ZNF516: variants seen among roughly 807,000 people sequenced by gnomAD.
ZNF516 encodes zinc finger protein 516.
Under a neutral mutation model 79.7 loss-of-function variants are expected in ZNF516, and 19 were observed. That is an observed-to-expected ratio of 0.24 (90% CI 0.17 to 0.35). The LOEUF is 0.35. Among genes scored for constraint, ZNF516 ranks in the 10% least tolerant of loss-of-function variants. The pLI, the probability that ZNF516 is intolerant of heterozygous loss-of-function variation, is 1.00. For synonymous variants in ZNF516, 877 were observed against 739.5 expected, an observed-to-expected ratio of 1.19 and a Z score of -3.02; for missense variants, 1,678 against 1,679.5, an observed-to-expected ratio of 1.00 and a Z score of 0.02.
chr18:76,492,851 A>T, intron 1 of ZNF516: 4 of 985,856 alleles, frequency 4.1e-6, no homozygotes, highest in Non-Finnish European at 4.8e-6. Context: ...GTGCCCATGT[A>T]GCCGAACTGA....
At chr18:76,476,663 T>C (rs769057579) in intron 1 of ZNF516, among the ~76,000 whole-genome samples, 6 of 152,254 alleles carry the variant, frequency 3.9e-5, no homozygotes, top group African/African-American at 1.2e-4. Flanking sequence ...CGTAAGCTTG[T>C]AGTTTTGTGT....
chr18:76,490,909 G>A, intron 1 of ZNF516: 3 of 985,544 alleles, frequency 3.0e-6, no homozygotes, highest in Non-Finnish European at 3.6e-6. Flanking sequence ...AGTCCACAGA[G>A]CCATCCCCGG....
At chr18:76,385,777 C>CT (rs1555698687) in intron 3 of ZNF516, 1 of 73,612 alleles carries the variant, frequency 1.4e-5, no homozygotes. Context: ...CACTGCACTG[C>CT]CCCCCCCCCG....
chr18:76,492,568 G>C, intron 1 of ZNF516: 2 of 366,856 alleles, frequency 5.5e-6, no homozygotes, highest in Non-Finnish European at 7.6e-6. Context: ...TTTCTACGGA[G>C]TTCACATCAG....
At chr18:76,465,036 G>C (rs1190803267) in intron 1 of ZNF516, among the ~76,000 whole-genome samples, 1 of 152,232 alleles carries the variant, frequency 6.6e-6, no homozygotes, top group African/African-American at 2.4e-5. Context: ...GCCGCCAGAG[G>C]AGAGAGGCTC....
Position 76,371,476 on chromosome 18 carries a change from C to T in ZNF516, c.3355G>A (p.Ala1119Thr). Residue 1119 changes from alanine to threonine, a missense_variant, in exon 5 of 7, where the codon GCA becomes ACA. This residue lies in a region of ZNF516 where 1,294 missense variants were observed against 1,248.3 expected (regional missense o/e 1.04). Transcript: ENST00000443185. ...QPGHLRAHMR[A>T]HSVVFESDGP... ...GGCGGGAGGGCGATACCTGAGTGTG[C>T]CCGCATGTGGGCCCTGAGGTGGCCG... is the stretch of plus-strand genomic sequence containing the variant. The T allele has an allele frequency of 6.2e-7, 1 of 1,607,004 alleles. No homozygotes were observed. Among genetic ancestry groups the T allele is most frequent in the Non-Finnish European group, 8.5e-7 (1 of 1,179,556 alleles).
chr18:76,377,825 C>T (rs1163639258), intron 4 of ZNF516, among the ~76,000 whole-genome samples: 6 of 151,674 alleles, frequency 4.0e-5, no homozygotes, highest in Non-Finnish European at 2.9e-5. Context: ...AAGCAATTCT[C>T]CTGCCTCAGC....
chr18:76,405,760 T>C (rs2075296371), intron 3 of ZNF516, among the ~76,000 whole-genome samples: 1 of 152,020 alleles, frequency 6.6e-6, no homozygotes, highest in South Asian at 2.1e-4. Flanking sequence ...ATGCGTGTGT[T>C]GTCCGAGACA....
At position 76,493,013 on chromosome 18, in the gene ZNF516, C is replaced by G. The variant is rs1393677422; in HGVS notation, c.-272+2131G>C. On this transcript the variant is annotated intron_variant, in intron 1 of 6. Coordinates refer to ENST00000443185, the MANE Select transcript of ZNF516 (RefSeq NM_014643.4). The surrounding 1 kb of genome is among the most constrained non-coding windows in gnomAD (Gnocchi z 5.2). Reference sequence around the variant, plus strand: ...TCACACACACACCCCAAATTACCTCCGGGATGGAGAAAGCCGCTGCGGATT... The same window carrying G: ...TCACACACACACCCCAAATTACCTCGGGGATGGAGAAAGCCGCTGCGGATT... 5.9e-5 allele frequency: 58 copies of G among 985,384 alleles called. No individual in the cohort carries two copies. Among genetic ancestry groups the G allele is most frequent in the Non-Finnish European group, 6.6e-5 (55 of 829,996 alleles). 61.0% of individuals were successfully genotyped at this position (985,384 alleles called of 1,614,324 possible).
chr18:76,464,265 G>C (rs1291955487), intron 1 of ZNF516, among the ~76,000 whole-genome samples: 1 of 152,140 alleles, frequency 6.6e-6, no homozygotes, highest in Admixed American at 6.5e-5. Flanking sequence ...CCAGTCACTC[G>C]GGAGGCTGAG....
chr18:76,362,618 G>T, intron 6 of ZNF516, 61 bp from the exon 7 acceptor site: 2 of 1,493,766 alleles, frequency 1.3e-6, no homozygotes, highest in Non-Finnish European at 9.2e-7. Context: ...GTTTCTAAAT[G>T]CATTTTTCCT....
At chr18:76,437,129 C>A (rs980784470) in intron 3 of ZNF516, among the ~76,000 whole-genome samples, 4 of 151,856 alleles carry the variant, frequency 2.6e-5, no homozygotes, top group Admixed American at 2.6e-4. Context: ...CTAAGCTATT[C>A]TAATTGCTGT....
chr18:76,367,827 T>C (rs2074640193), intron 6 of ZNF516, among the ~76,000 whole-genome samples: 1 of 152,208 alleles, frequency 6.6e-6, no homozygotes, highest in South Asian at 2.1e-4. Flanking sequence ...TGTTAGTAAG[T>C]GAATAAATTA....
At chr18:76,365,355 G>A (rs2074597735) in intron 6 of ZNF516, among the ~76,000 whole-genome samples, 1 of 152,188 alleles carries the variant, frequency 6.6e-6, no homozygotes, top group African/African-American at 2.4e-5. Flanking sequence ...CGAGGTTGGG[G>A]TGAATAATTT....
At chr18:76,487,283 G>A in intron 1 of ZNF516, among the ~76,000 whole-genome samples, 1 of 152,168 alleles carries the variant, frequency 6.6e-6, no homozygotes, top group Non-Finnish European at 1.5e-5. Context: ...GTCACGTGTG[G>A]CCAGATGCAG....
At chr18:76,413,147 A>AT (rs940314482) in intron 3 of ZNF516, among the ~76,000 whole-genome samples, 4 of 152,188 alleles carry the variant, frequency 2.6e-5, no homozygotes, top group South Asian at 2.1e-4. Flanking sequence ...GTTTATTCCC[A>AT]TTTTTTAAAA....
chr18:76,409,435 T>G (rs690243), intron 3 of ZNF516, among the ~76,000 whole-genome samples: 1 of 152,172 alleles, frequency 6.6e-6, no homozygotes, highest in African/African-American at 2.4e-5. Context: ...AATTTGCCAA[T>G]GGAAATTAAA....
Position 76,405,892 on chromosome 18 carries a change from T to C in ZNF516, c.1811-25589A>G, listed in dbSNP as rs2075298197. Among the ~76,000 whole-genome samples, 15 of 152,170 alleles carry C rather than the reference T, an allele frequency of 9.9e-5. No individual in the cohort carries two copies. The South Asian group carries it at 3.1e-3, about 32-fold the overall frequency. ...CCCCGTCCCATGGGTGATGAGTCCA[T>C]GCCAACCCCATCCGTCAGGGACCCA... is the stretch of plus-strand genomic sequence containing the variant. On this transcript the variant is annotated intron_variant, in intron 3 of 6. Coordinates refer to ENST00000443185, the MANE Select transcript of ZNF516 (RefSeq NM_014643.4).
intron 1 of ZNF516, among the ~76,000 whole-genome samples, chr18:76,472,117 T>G (rs1288494083): frequency 6.6e-6 from 1 of 152,192 alleles, no homozygotes; most frequent in Non-Finnish European, 1.5e-5. Flanking sequence ...CCATCTTCCC[T>G]TCAGAAACCT....
Sources: gnomAD v4.1 joint callset for allele counts (sites outside exome capture counted in the v4.1 genomes callset) on GRCh38, gnomAD v4.1.1 for gene constraint, gnomAD v4.1.1 regional missense constraint, Gnocchi (gnomAD v3.1) non-coding constraint, MANE v1.5 for transcripts, NCBI Gene and HGNC (gene_info 2026-07-23, HGNC 2026-07-21) for gene names.